The following CACNA1E variants were observed in gnomAD, a reference collection of about 807,000 sequenced individuals.
The protein encoded by CACNA1E is voltage-dependent R-type calcium channel subunit alpha-1E.
Under a neutral mutation model 259.2 loss-of-function variants are expected in CACNA1E, and 40 were observed. That is an observed-to-expected ratio of 0.15 (90% CI 0.12 to 0.20). CACNA1E has a LOEUF of 0.20. Among genes scored for constraint, CACNA1E ranks in the 10% least tolerant of loss-of-function variants. The pLI is 1.00. For synonymous variants in CACNA1E, 1,104 were observed against 1,138.5 expected (o/e 0.97, Z 0.61); for missense variants, 1,874 against 3,040.1 (o/e 0.62, Z 9.02).
At chr1:181,757,173 G>A in intron 30 of CACNA1E, 47 bp downstream of exon 30, 1 of 1,344,412 alleles carries the variant, frequency 7.4e-7, no homozygotes, top group Non-Finnish European at 1.1e-6. Flanking sequence ...GCTCCAGAAA[G>A]GATTCTTGGG....
intron 1 of CACNA1E, among the ~76,000 whole-genome samples, chr1:181,362,811 G>C (rs1242861048): frequency 6.6e-6 from 1 of 152,130 alleles, no homozygotes; most frequent in Non-Finnish European, 1.5e-5. Context: ...AGAGGAGATG[G>C]GAGAAATGAA....
chr1:181,356,535 C>A (rs1008745943), intron 1 of CACNA1E, among the ~76,000 whole-genome samples: 1 of 152,220 alleles, frequency 6.6e-6, no homozygotes, highest in East Asian at 1.9e-4. Context: ...AGCAGCTGGA[C>A]CCACTTGTGG....
chr1:181,497,419 T>C (rs998153009), intron 1 of CACNA1E, among the ~76,000 whole-genome samples: 6 of 152,124 alleles, frequency 3.9e-5, no homozygotes, highest in Non-Finnish European at 7.3e-5. Context: ...CCTTCGTGTC[T>C]TTTTATCATA....
intron 3 of CACNA1E, among the ~76,000 whole-genome samples, chr1:181,525,992 T>C (rs1667330579): frequency 6.6e-6 from 1 of 152,144 alleles, no homozygotes; most frequent in Admixed American, 6.5e-5. Context: ...GCCTCCTTGA[T>C]ATTTCCAGTG....
At chr1:181,785,503 GC>G in intron 42 of CACNA1E, 85 bp downstream of exon 42, 2 of 1,007,360 alleles carry the variant, frequency 2.0e-6, no homozygotes, top group Non-Finnish European at 3.1e-6. Context: ...GGGGCATAGT[GC>G]CCGGCAAGGA....
intron 2 of CACNA1E, among the ~76,000 whole-genome samples, chr1:181,421,510 A>G (rs1658742975): frequency 6.6e-6 from 1 of 152,184 alleles, no homozygotes; most frequent in Non-Finnish European, 1.5e-5. Flanking sequence ...TTGAAGCCAA[A>G]TGCTTGTCTG....
intron 3 of CACNA1E, among the ~76,000 whole-genome samples, chr1:181,573,158 A>G (rs970386167): frequency 3.9e-5 from 6 of 152,214 alleles, no homozygotes; most frequent in African/African-American, 1.2e-4. Context: ...AGACAATAGC[A>G]ATATGAGGAA....
chr1:181,364,875 A>G (rs946979426), intron 1 of CACNA1E, among the ~76,000 whole-genome samples: 2 of 152,186 alleles, frequency 1.3e-5, no homozygotes, highest in African/African-American at 2.4e-5. Flanking sequence ...AGGAGTGGGC[A>G]GGAGGCTTTT....
intron 6 of CACNA1E, among the ~76,000 whole-genome samples, chr1:181,646,524 C>A (rs936671685): frequency 6.6e-6 from 1 of 152,210 alleles, no homozygotes; most frequent in African/African-American, 2.4e-5. Context: ...AGCCCCAACA[C>A]ACTCAGCCTC....
At chr1:181,756,205 G>A in intron 29 of CACNA1E, 112 bp downstream of exon 29, 3 of 1,096,336 alleles carry the variant, frequency 2.7e-6, no homozygotes, top group Non-Finnish European at 3.8e-6. Context: ...ATCAGGGAAA[G>A]TAAGGGGTTT....
intron 2 of CACNA1E, among the ~76,000 whole-genome samples, chr1:181,424,687 G>A (rs1021989773): frequency 6.6e-6 from 1 of 152,248 alleles, no homozygotes; most frequent in African/African-American, 2.4e-5. Flanking sequence ...AAAGCAGAGG[G>A]TTTCCATCTT....
chr1:181,602,987 A>C (rs1653883416), intron 6 of CACNA1E, among the ~76,000 whole-genome samples: 1 of 152,182 alleles, frequency 6.6e-6, no homozygotes, highest in Non-Finnish European at 1.5e-5. Context: ...GGAGGCCTCC[A>C]TCCAGCCTCA....
At chr1:181,328,454 C>G (rs1014018480) in intron 1 of CACNA1E, among the ~76,000 whole-genome samples, 2 of 152,178 alleles carry the variant, frequency 1.3e-5, no homozygotes, top group African/African-American at 2.4e-5. Context: ...AGTGAGCAAG[C>G]CTTTTTCAGT....
At position 181,707,709 on chromosome 1, in the gene CACNA1E, G is replaced by A. The variant is rs535757315; in HGVS notation, c.1056-3245G>A. 3.9e-5 allele frequency among the ~76,000 whole-genome samples: 6 copies of A among 152,232 alleles called. 1 individual carries two copies. In the South Asian group the frequency reaches 1.2e-3, roughly 32 times the overall value. On this transcript the variant is annotated intron_variant, in intron 7 of 47. Transcript: ENST00000367573. ...GCTCCCTTTGAGTCAGTGCAGAGAT[G>A]GAGTACTCCTCCTTTTAAGCCTCTG...
intron 11 of CACNA1E, 62 bp downstream of exon 11, chr1:181,717,364 T>A (rs1157333187): frequency 7.2e-7 from 1 of 1,389,362 alleles, no homozygotes; most frequent in Non-Finnish European, 1.0e-6. Context: ...GCTTGATGTG[T>A]GTGTGAACGC....
intron 6 of CACNA1E, among the ~76,000 whole-genome samples, chr1:181,586,765 A>G (rs1437917294): frequency 6.6e-6 from 1 of 152,214 alleles, no homozygotes; most frequent in Non-Finnish European, 1.5e-5. Flanking sequence ...TCTTATCTAT[A>G]TGCTTTGCTC....
intron 2 of CACNA1E, among the ~76,000 whole-genome samples, chr1:181,463,690 A>G (rs1397321326): frequency 6.6e-6 from 1 of 152,060 alleles, no homozygotes; most frequent in Non-Finnish European, 1.5e-5. Context: ...ATTTCTGAGA[A>G]TCTTGTATAT....
intron 1 of CACNA1E, among the ~76,000 whole-genome samples, chr1:181,336,935 C>T (rs1365951268): frequency 6.8e-6 from 1 of 146,574 alleles, no homozygotes; most frequent in Non-Finnish European, 1.5e-5. Context: ...AATGTCATAT[C>T]TATTACATAG....
intron 2 of CACNA1E, among the ~76,000 whole-genome samples, chr1:181,442,489 G>A (rs1660562470): frequency 6.6e-6 from 1 of 151,658 alleles, no homozygotes; most frequent in South Asian, 2.1e-4. Flanking sequence ...AGATGTGAAG[G>A]ACACAGAGCT....
Sources: allele counts gnomAD v4.1 joint callset (sites outside exome capture counted in the v4.1 genomes callset), GRCh38; gene constraint gnomAD v4.1.1; transcripts MANE v1.5; gene names NCBI Gene and HGNC (gene_info 2026-07-23, HGNC 2026-07-21).